The following CEP63 variants were observed in gnomAD, a reference collection of about 807,000 sequenced individuals.
CEP63 encodes the protein centrosomal protein 63.
A neutral mutation model predicts 89.1 loss-of-function variants in CEP63; 84 were observed. That is an observed-to-expected ratio of 0.94 (90% CI 0.79 to 1.13). CEP63 has a LOEUF of 1.13. Ranked by LOEUF, CEP63 falls within the 50% of genes most tolerant of loss-of-function variation. CEP63 has a pLI of 0.00. For missense variants in CEP63, 838 were observed against 813.3 expected, an observed-to-expected ratio of 1.03 and a Z score of -0.37; for synonymous variants, 267 against 272.5, an observed-to-expected ratio of 0.98 and a Z score of 0.20.
At chr3:134,549,249 G>A (rs1208976685) in intron 10 of CEP63, 73 bp downstream of exon 10, 2 of 930,660 alleles carry the variant, frequency 2.1e-6, no homozygotes, top group African/African-American at 1.6e-5. Flanking sequence ...GGAGATTATA[G>A]GGGTTATTTT....
chr3:134,705,587 G>T, the CEP63 span, among the ~76,000 whole-genome samples: 4 of 152,176 alleles, frequency 2.6e-5, no homozygotes, highest in Non-Finnish European at 5.9e-5. Context: ...ATCTAAATGT[G>T]CAGGGTCTCA....
intron 2 of CEP63, among the ~76,000 whole-genome samples, chr3:134,496,511 A>G (rs1157193918): frequency 1.3e-5 from 2 of 152,308 alleles, no homozygotes; most frequent in African/African-American, 2.4e-5. Flanking sequence ...ACGGTTGTCA[A>G]CATTCTTGCA....
At chr3:134,600,652 G>A in the CEP63 span, among the ~76,000 whole-genome samples, 1 of 152,158 alleles carries the variant, frequency 6.6e-6, no homozygotes, top group South Asian at 2.1e-4. Flanking sequence ...CCTGAGAATT[G>A]CAAGCAGATA....
At chr3:134,730,624 T>C in the CEP63 span, among the ~76,000 whole-genome samples, 2 of 152,064 alleles carry the variant, frequency 1.3e-5, no homozygotes, top group Non-Finnish European at 2.9e-5. Flanking sequence ...GAAAAACAAC[T>C]CTAGATAAAT....
Position 134,570,757 on chromosome 3 carries a change from A to G in CEP63, c.1330-4036A>G, listed in dbSNP as rs145829858. The stretch of plus-strand genomic sequence containing the variant: ...CACTCTACTGGTACCAATTTACTGT[A>G]TTAGTCTGTTTTCATGCTGCTGATA... On this transcript the variant is annotated intron_variant, in intron 11 of 11. Transcript: ENST00000354446. Among the ~76,000 whole-genome samples, 58 of 152,300 alleles carry G rather than the reference A, an allele frequency of 3.8e-4. 1 individual carries two copies. In the East Asian group the frequency reaches 8.9e-3, roughly 23 times the overall value.
At chr3:134,535,252 C>T (rs1577145339) in intron 5 of CEP63, 1 of 152,396 alleles carries the variant, frequency 6.6e-6, no homozygotes, top group East Asian at 1.9e-4. Context: ...TTTGTCCCCT[C>T]ACACTGCAGA....
the CEP63 span, among the ~76,000 whole-genome samples, chr3:134,624,116 C>A: frequency 6.6e-6 from 1 of 152,162 alleles, no homozygotes; most frequent in Non-Finnish European, 1.5e-5. Flanking sequence ...CCTTGCTCCT[C>A]GTGAGGAGGT....
At chr3:134,659,693 AT>A in the CEP63 span, among the ~76,000 whole-genome samples, 2 of 152,160 alleles carry the variant, frequency 1.3e-5, no homozygotes, top group Admixed American at 6.5e-5. Context: ...GTGGTTCAAG[AT>A]TGTCTGATCA....
At chr3:134,713,353 C>G in the CEP63 span, among the ~76,000 whole-genome samples, 3 of 151,982 alleles carry the variant, frequency 2.0e-5, no homozygotes, top group Admixed American at 6.6e-5. Context: ...CCAGTTCCAG[C>G]CAATGACACA....
chr3:134,737,847 G>A, the CEP63 span, among the ~76,000 whole-genome samples: 6 of 152,164 alleles, frequency 3.9e-5, no homozygotes, highest in African/African-American at 1.4e-4. Context: ...GTTGTCTCAG[G>A]GCCTCTCCTT....
At chr3:134,777,608 A>ATTTTTTTTTTTT in the CEP63 span, among the ~76,000 whole-genome samples, 11 of 100,186 alleles carry the variant, frequency 1.1e-4, 1 homozygote, top group African/African-American at 4.4e-4. Context: ...AAAGAATAGA[A>ATTTTTTTTTTTT]TTTTTTTTTT....
the CEP63 span, among the ~76,000 whole-genome samples, chr3:134,640,312 G>A: frequency 6.6e-5 from 10 of 152,182 alleles, no homozygotes; most frequent in Non-Finnish European, 1.0e-4. Flanking sequence ...TAAGCCCACC[G>A]CTTTCGAGAG....
At chr3:134,648,621 T>A in the CEP63 span, among the ~76,000 whole-genome samples, 1 of 152,136 alleles carries the variant, frequency 6.6e-6, no homozygotes, top group Non-Finnish European at 1.5e-5. Flanking sequence ...CTTACAGAAA[T>A]GGGAGAGAAC....
At chr3:134,675,332 G>GA in the CEP63 span, among the ~76,000 whole-genome samples, 1 of 151,650 alleles carries the variant, frequency 6.6e-6, no homozygotes, top group Admixed American at 6.6e-5. Context: ...TATCCACATG[G>GA]AAAAAAAATG....
rs1357762 is a variant in CEP63, at chr3:134,546,017, A to T, written c.790-132A>T. The T allele has an allele frequency of 4.4e-5, 43 of 988,066 alleles. No individual in the cohort carries two copies. The East Asian group carries it at 7.3e-4, about 17-fold the overall frequency. The allele number at this position is 988,066 out of a possible 1,614,324, so 61.2% of individuals were successfully genotyped here. A position where few individuals can be genotyped will look rare whatever the true frequency, so the allele number is the denominator to read the frequency against. ...ATTGTAATATTGTTACGTAACTTAT[A>T]GTCTGACTTCCTGGCTTCTCGTGAA... On this transcript the variant is annotated intron_variant, in intron 7 of 14. Coordinates refer to ENST00000675561, the MANE Select transcript of CEP63 (RefSeq NM_001353108.3).
downstream of CEP63, among the ~76,000 whole-genome samples, chr3:134,590,893 C>T (rs1262874395): frequency 2.0e-5 from 3 of 152,222 alleles, no homozygotes; most frequent in African/African-American, 7.2e-5. Context: ...CTGCCCTGCT[C>T]CTGTCTGGAC....
chr3:134,780,232 G>A, the CEP63 span, among the ~76,000 whole-genome samples: 2 of 151,984 alleles, frequency 1.3e-5, no homozygotes, highest in Non-Finnish European at 2.9e-5. Flanking sequence ...TGAATCTTTT[G>A]CCCCCTTTTT....
chr3:134,574,385 T>C (rs1448452109), intron 11 of CEP63, among the ~76,000 whole-genome samples: 2 of 152,180 alleles, frequency 1.3e-5, no homozygotes, highest in African/African-American at 4.8e-5. Flanking sequence ...TTTGGATCCT[T>C]GACCTAAACT....
downstream of CEP63, among the ~76,000 whole-genome samples, chr3:134,578,210 T>C (rs1451307394): frequency 6.6e-6 from 1 of 152,226 alleles, no homozygotes; most frequent in African/African-American, 2.4e-5. Flanking sequence ...TCTTCCACAA[T>C]GGTTGAACTA....
Sources: allele counts gnomAD v4.1 joint callset (sites outside exome capture counted in the v4.1 genomes callset), GRCh38; gene constraint gnomAD v4.1.1; transcripts MANE v1.5; gene names NCBI Gene and HGNC (gene_info 2026-07-23, HGNC 2026-07-21).